Variants in SREBF1 observed in about 807,000 individuals in gnomAD.
SREBF1 encodes sterol regulatory element binding transcription factor 1.
A neutral mutation model predicts 100.1 loss-of-function variants in SREBF1; 45 were observed. That is an observed-to-expected ratio of 0.45 (90% CI 0.35 to 0.58). The LOEUF is 0.58. Ranked by LOEUF, SREBF1 falls within the 20% of genes least tolerant of loss-of-function variation. The pLI, the probability that SREBF1 is intolerant of heterozygous loss-of-function variation, is 0.00. For missense variants in SREBF1, 1,324 were observed against 1,539.4 expected, an observed-to-expected ratio of 0.86 and a Z score of 2.34; for synonymous variants, 657 against 681.8, an observed-to-expected ratio of 0.96 and a Z score of 0.57.
Position 17,817,480 on chromosome 17 carries a change from T to C in SREBF1, c.1405-23A>G. On this transcript the variant is annotated intron_variant, in intron 7 of 18. Coordinates refer to ENST00000261646, the MANE Select transcript of SREBF1 (RefSeq NM_004176.5). The surrounding 1 kb of genome is among the most constrained non-coding windows in gnomAD (Gnocchi z 6.6). Reference sequence around the variant, plus strand: ...TGCCTGGTGGGGTTGGGCAGGGTGGTGAGGGCAGAATCGGAGGGACCCCAG... The same window carrying C: ...TGCCTGGTGGGGTTGGGCAGGGTGGCGAGGGCAGAATCGGAGGGACCCCAG... The C allele has an allele frequency of 6.4e-7, 1 of 1,566,214 alleles. No homozygotes were observed. The highest frequency in any genetic ancestry group is 1.2e-5 in the South Asian group (1 of 86,016).
intron 1 of SREBF1, among the ~76,000 whole-genome samples, chr17:17,823,896 CCTTTAACCCG>C (rs907810278): frequency 6.6e-6 from 1 of 152,080 alleles, no homozygotes. Flanking sequence ...CGGACGTCCG[CCTTTAACCCG>C]CTCGGTGCCA....
chr17:17,815,764 G>T (rs2033494839), intron 12 of SREBF1, 96 bp downstream of exon 12: 2 of 1,322,554 alleles, frequency 1.5e-6, no homozygotes, highest in African/African-American at 1.5e-5. Context: ...GAAGGACTGG[G>T]GTGGCCAGAG....
chr17:17,812,119 A>C lies in SREBF1; in HGVS notation c.*503T>G. ...TTTAATTCTCTGTACAAAACTTCTC[A>C]ATCTATGAAAATAAAGTTTGCAAAA... On this transcript the variant is annotated 3_prime_UTR_variant, in exon 19 of 19. Coordinates refer to ENST00000261646, the MANE Select transcript of SREBF1 (RefSeq NM_004176.5). The C allele has an allele frequency of 2.4e-6, 1 of 422,982 alleles. No individual in the cohort carries two copies. The highest frequency in any genetic ancestry group is 1.7e-5 in the South Asian group (1 of 57,972). The allele number at this position is 422,982 out of a possible 1,614,324, so 26.2% of individuals were successfully genotyped here.
chr17:17,829,206 ATATATATATATATAT>A (rs2034696410), intron 1 of SREBF1, among the ~76,000 whole-genome samples: 1 of 92,870 alleles, frequency 1.1e-5, no homozygotes, highest in African/African-American at 7.5e-5. Context: ...AAAAAAAAAA[ATATATATATATATAT>A]ATATATATAT....
At chr17:17,820,656 G>A in intron 1 of SREBF1, 135 bp from the exon 2 acceptor site, 1 of 990,788 alleles carries the variant, frequency 1.0e-6, no homozygotes, top group Non-Finnish European at 1.5e-6. Flanking sequence ...ATGCCACCAG[G>A]ACAGAAAGCC....
In SREBF1 at chr17:17,820,148, C is replaced by G. The variant is rs774698338; in HGVS notation, c.465G>C (p.Pro155=). ...CTAACACAGGGGTGGAGCTGAACTG[C>G]GGTGGGGCTGGGGCTGGGAAGCTCT... ...LPQSFPAPAP[P]QFSSTPVLGY... is the part of the protein sequence containing the mutation. Residue 155 remains proline, a synonymous_variant, in exon 2 of 19, where the codon CCG becomes CCC. Coordinates refer to ENST00000261646, the MANE Select transcript of SREBF1 (RefSeq NM_004176.5). 6.2e-7 allele frequency: 1 copy of G among 1,612,846 alleles called. No homozygotes were observed. Among genetic ancestry groups the G allele is most frequent in the Admixed American group, 1.7e-5 (1 of 59,962 alleles).
rs770210923 is a variant in SREBF1, at chr17:17,817,507, G to A, written c.1405-50C>T. 1.1e-5 allele frequency: 17 copies of A among 1,547,808 alleles called. No homozygotes were observed. The South Asian group carries it at 1.8e-4, about 16-fold the overall frequency. On this transcript the variant is annotated intron_variant, in intron 7 of 18. Coordinates refer to ENST00000261646, the MANE Select transcript of SREBF1 (RefSeq NM_004176.5). The surrounding 1 kb of genome is among the most constrained non-coding windows in gnomAD (Gnocchi z 6.6). ...AGGGCAGAATCGGAGGGACCCCAGA[G>A]AGCATGGGGCTGGGAAGGGGGGGGT...
At chr17:17,812,999 C>G (rs1281093734) in intron 18 of SREBF1, 148 bp from the exon 19 acceptor site, 1 of 684,024 alleles carries the variant, frequency 1.5e-6, no homozygotes, top group Non-Finnish European at 2.4e-6. Context: ...TCTCCCCACC[C>G]TAGTCTCAGC....
Position 17,819,617 on chromosome 17 carries a change from TG to T in SREBF1, c.631del (p.Gln211SerfsTer4), listed in dbSNP as rs1159465287. The T allele has an allele frequency of 6.2e-7, 1 of 1,613,520 alleles. No homozygotes were observed. The highest frequency in any genetic ancestry group is 8.5e-7 in the Non-Finnish European group (1 of 1,179,772). ...GGCAGCTGTGACTGTCAGTAGCTGC[TG>T]GGGGACCACACTCTGGACCTGGGTG... is the stretch of plus-strand genomic sequence containing the variant. ...LHTQVQSVVP[Q>X]QLLTVTAAPT... On this transcript the variant is annotated frameshift_variant, in exon 3 of 19. Transcript: ENST00000261646. LOFTEE classifies it high-confidence loss of function.
intron 1 of SREBF1, among the ~76,000 whole-genome samples, chr17:17,830,649 C>T (rs2034801235): frequency 6.6e-6 from 1 of 152,220 alleles, no homozygotes; most frequent in Admixed American, 6.5e-5. Context: ...GGAGCTCAAA[C>T]AGGGTTCGGG....
intron 18 of SREBF1, 22 bp from the exon 19 acceptor site, chr17:17,812,873 A>G: frequency 6.8e-7 from 1 of 1,471,902 alleles, no homozygotes; most frequent in Non-Finnish European, 8.9e-7. Context: ...AGGATGTGTC[A>G]GGGATGGGTC....
In SREBF1 at chr17:17,813,783, G is replaced by A. The variant is rs1370707933; in HGVS notation, c.2902-14C>T. On this transcript the variant is annotated splice_polypyrimidine_tract_variant and intron_variant, in intron 16 of 18. Coordinates refer to ENST00000261646, the MANE Select transcript of SREBF1 (RefSeq NM_004176.5). ...CAGCTGCACGGCCTGGGGGTGGCAG[G>A]CAGGGCAGGGGTCACCAGGGCTCCA... 2.0e-6 allele frequency: 3 copies of A among 1,535,078 alleles called. No individual in the cohort carries two copies. Among genetic ancestry groups the A allele is most frequent in the East Asian group, 2.4e-5 (1 of 40,908 alleles).
chr17:17,829,201 A>T (rs1178883401), intron 1 of SREBF1, among the ~76,000 whole-genome samples: 3 of 32,476 alleles, frequency 9.2e-5, no homozygotes, highest in African/African-American at 3.3e-4. Flanking sequence ...TAAAAAAAAA[A>T]AAAAATATAT....
chr17:17,820,214 C>CCACAG lies in SREBF1; in HGVS notation c.398_399insCTGTG (p.Gln133HisfsTer33). 1 of 1,613,670 alleles carries CCACAG rather than the reference C, an allele frequency of 6.2e-7. No homozygotes were observed. Among genetic ancestry groups the CCACAG allele is most frequent in the African/African-American group, 1.3e-5 (1 of 75,046 alleles). ...CTGGCAGGGGCTGTGGGGTGGGGGT[C>CCACAG]TGCAGGATGCTCAGTGGCACTGACT... On this transcript the variant is annotated frameshift_variant, in exon 2 of 19. Coordinates refer to ENST00000261646, the MANE Select transcript of SREBF1 (RefSeq NM_004176.5). LOFTEE classifies it high-confidence loss of function.
intron 1 of SREBF1, among the ~76,000 whole-genome samples, chr17:17,836,293 C>T (rs1055232024): frequency 6.6e-6 from 1 of 152,230 alleles, no homozygotes; most frequent in South Asian, 2.1e-4. Flanking sequence ...GCTCCGACGC[C>T]GAGCTGAACT....
Position 17,820,185 on chromosome 17 carries a change from G to T in SREBF1, c.428C>A (p.Ala143Asp). The change falls in exon 2 of 19, where the codon GCC (alanine) becomes GAC (aspartate). Residue 143 changes from alanine to aspartate, a missense_variant. By Grantham distance (126) the Ala-to-Asp change is moderately radical. Transcript: ENST00000261646. ...QTPTPQPLPG[A>D]LLPQSFPAPA... ...GGCTGGGAAGCTCTGTGGCAGGAGGGCCCCTGGCAGGGGCTGTGGGGTGGG... is the reference window on the plus strand; with the variant it reads ...GGCTGGGAAGCTCTGTGGCAGGAGGTCCCCTGGCAGGGGCTGTGGGGTGGG... 1.2e-6 allele frequency: 2 copies of T among 1,613,314 alleles called. No homozygotes were observed.
intron 1 of SREBF1, among the ~76,000 whole-genome samples, chr17:17,832,638 T>G (rs4924821): frequency 6.6e-6 from 1 of 152,018 alleles, no homozygotes; most frequent in East Asian, 1.9e-4. Context: ...CTGGCCTCAG[T>G]GGCCAGGCAC....
Position 17,811,767 on chromosome 17 carries a change from C to A in SREBF1, c.*855G>T, listed in dbSNP as rs781283978. 6.4e-5 allele frequency: 29 copies of A among 454,720 alleles called. 1 individual carries two copies. Among genetic ancestry groups the A allele is most frequent in the South Asian group, 4.5e-4 (29 of 64,378 alleles). 28.2% of individuals were successfully genotyped at this position (454,720 alleles called of 1,614,324 possible). ...CAGGTCCTGGAAGTCAGTCCATCCT[C>A]CCGTGCCACCCAGGGACCTGATGGG... On this transcript the variant is annotated 3_prime_UTR_variant, in exon 19 of 19. Coordinates refer to ENST00000261646, the MANE Select transcript of SREBF1 (RefSeq NM_004176.5).
chr17:17,819,704 T>C lies in SREBF1; in HGVS notation c.545A>G (p.Gln182Arg), dbSNP rs1598124180. The C allele has an allele frequency of 1.9e-6, 3 of 1,607,942 alleles. No homozygotes were observed. Among genetic ancestry groups the C allele is most frequent in the Non-Finnish European group, 2.5e-6 (3 of 1,178,608 alleles). The change falls in exon 3 of 19, where the codon CAG (glutamine) becomes CGG (arginine). Residue 182 changes from glutamine (Q) to arginine (R), a missense_variant. By Grantham distance (43) the Gln-to-Arg change is conservative (BLOSUM62 1). Coordinates refer to ENST00000261646, the MANE Select transcript of SREBF1 (RefSeq NM_004176.5). ...CAGTGGCAGGCCAGGCAGCGGCTGC[T>C]GGGTGTTCCCGGGAGGGCTTCCTGC... Reference protein sequence around the residue: ...FSTGSPPGNTQQPLPGLPLAS... With the variant: ...FSTGSPPGNTRQPLPGLPLAS...
Sources: allele counts gnomAD v4.1 joint callset (sites outside exome capture counted in the v4.1 genomes callset), GRCh38; gene constraint gnomAD v4.1.1; non-coding constraint Gnocchi (gnomAD v3.1); transcripts MANE v1.5; gene names NCBI Gene and HGNC (gene_info 2026-07-23, HGNC 2026-07-21).